PPP2R2A: variants seen among roughly 807,000 people sequenced by gnomAD.
PPP2R2A encodes serine/threonine-protein phosphatase 2A 55 kDa regulatory subunit B alpha isoform.
Under a neutral mutation model 53.2 loss-of-function variants are expected in PPP2R2A, and 9 were observed. The observed-to-expected ratio is 0.17, with a 90% CI of 0.10 to 0.30. The LOEUF is 0.30. Ranked by LOEUF, PPP2R2A falls within the 10% of genes least tolerant of loss-of-function variation. The pLI is 1.00. For synonymous variants in PPP2R2A, 169 were observed against 174.2 expected, an observed-to-expected ratio of 0.97 and a Z score of 0.23; for missense variants, 235 against 534.6, an observed-to-expected ratio of 0.44 and a Z score of 5.53.
chr8:26,305,647 G>A (rs1480971487), intron 2 of PPP2R2A, among the ~76,000 whole-genome samples: 3 of 152,024 alleles, frequency 2.0e-5, no homozygotes, highest in Non-Finnish European at 4.4e-5. Flanking sequence ...GGTACATGGA[G>A]GTCCATTTTA....
chr8:26,310,730 A>AT (rs1487823427), intron 2 of PPP2R2A, among the ~76,000 whole-genome samples: 10 of 145,114 alleles, frequency 6.9e-5, no homozygotes, highest in African/African-American at 2.6e-4. Flanking sequence ...GTTGGTGTTG[A>AT]TTTTTCACTT....
chr8:26,358,945 A>ATATG (rs1431184834), intron 4 of PPP2R2A: 1 of 456,074 alleles, frequency 2.2e-6, no homozygotes, highest in East Asian at 6.9e-5. Flanking sequence ...AAAGAACAGA[A>ATATG]TATGGCAAGG....
rs202132360 is a variant in PPP2R2A at position 26,362,005 on chromosome 8, T to TATTAAGATTAG, written c.638-657_638-647dup. 2.7e-5 allele frequency among the ~76,000 whole-genome samples: 4 copies of TATTAAGATTAG among 147,306 alleles called. No homozygotes were observed. Among genetic ancestry groups the TATTAAGATTAG allele is most frequent in the African/African-American group, 7.6e-5 (3 of 39,672 alleles). On this transcript the variant is annotated intron_variant, in intron 6 of 9. Coordinates refer to ENST00000380737, the MANE Select transcript of PPP2R2A (RefSeq NM_002717.4). The surrounding 1 kb of genome is among the most constrained non-coding windows in gnomAD (Gnocchi z 4.4). ...GATTTATATATATTATATTAATTGATATTAAGATTAGATTAAGATTAGATT... is the reference window on the plus strand; with the variant it reads ...GATTTATATATATTATATTAATTGATATTAAGATTAGATTAAGATTAGATTAAGATTAGATT...
At chr8:26,357,496 G>A (rs1361163538) in intron 4 of PPP2R2A, among the ~76,000 whole-genome samples, 3 of 152,020 alleles carry the variant, frequency 2.0e-5, no homozygotes, top group Non-Finnish European at 4.4e-5. Context: ...TTAATTTAAT[G>A]TTCCTTCAAG....
chr8:26,307,357 C>G (rs1458559410), intron 2 of PPP2R2A, among the ~76,000 whole-genome samples: 1 of 152,162 alleles, frequency 6.6e-6, no homozygotes, highest in Non-Finnish European at 1.5e-5. Context: ...CTGATTGTTC[C>G]TGGCAGTGTG....
intron 4 of PPP2R2A, chr8:26,359,062 T>G (rs1238630355): frequency 2.5e-6 from 1 of 401,748 alleles, no homozygotes; most frequent in African/African-American, 2.0e-5. Context: ...TGTATCCCTT[T>G]GAACAATGCT....
In PPP2R2A at chr8:26,356,564, T is replaced by A. The variant is rs77734108; in HGVS notation, c.346+1931T>A. Reference sequence around the variant, plus strand: ...CTTGGGTCAGTTTTAATTTATATGGTAAACTAAGTTATTTCAAATAGCTTC... The same window carrying A: ...CTTGGGTCAGTTTTAATTTATATGGAAAACTAAGTTATTTCAAATAGCTTC... On this transcript the variant is annotated intron_variant, in intron 4 of 9. Coordinates refer to ENST00000380737, the MANE Select transcript of PPP2R2A (RefSeq NM_002717.4). Among the ~76,000 whole-genome samples, 1,066 of 152,350 alleles carry A rather than the reference T, an allele frequency of 7.0e-3. 7 individuals are homozygous for A. The highest frequency in any genetic ancestry group is 0.024 in the African/African-American group (1,006 of 41,578).
intron 3 of PPP2R2A, among the ~76,000 whole-genome samples, chr8:26,351,153 G>C (rs554182583): frequency 6.6e-6 from 1 of 151,840 alleles, no homozygotes; most frequent in Non-Finnish European, 1.5e-5. Flanking sequence ...TGGTTTTTCT[G>C]TCCTGTATAA....
chr8:26,293,307 C>A (rs937617522), intron 1 of PPP2R2A: 3 of 1,514,134 alleles, frequency 2.0e-6, no homozygotes, highest in Non-Finnish European at 1.8e-6. Context: ...ATTAACTCTT[C>A]TGCAGGCTTT....
rs904486553 is a variant in PPP2R2A at position 26,329,878 on chromosome 8, A to G, written c.83-9012A>G. Among the ~76,000 whole-genome samples the G allele has an allele frequency of 2.6e-5, 4 of 152,218 alleles. No individual in the cohort carries two copies. In the East Asian group the frequency reaches 5.8e-4, roughly 22 times the overall value. On this transcript the variant is annotated intron_variant, in intron 2 of 9. Coordinates refer to ENST00000380737, the MANE Select transcript of PPP2R2A (RefSeq NM_002717.4). Reference sequence around the variant, plus strand: ...CACAGTTTTGCAAAATCACATCACTACTGCAATGCTGCTAATGGATTTTGA... The same window carrying G: ...CACAGTTTTGCAAAATCACATCACTGCTGCAATGCTGCTAATGGATTTTGA...
At chr8:26,369,566 G>T (rs1293133481) in intron 9 of PPP2R2A, among the ~76,000 whole-genome samples, 1 of 151,998 alleles carries the variant, frequency 6.6e-6, no homozygotes, top group Non-Finnish European at 1.5e-5. Context: ...AATTTTTTTT[G>T]TATTTTTAGT....
chr8:26,293,928 G>GTTTTTA (rs777549792), intron 2 of PPP2R2A, 188 bp downstream of exon 2: 3 of 582,582 alleles, frequency 5.1e-6, no homozygotes, highest in Non-Finnish European at 9.0e-6. Flanking sequence ...TTTACGCCTT[G>GTTTTTA]TTTTTATTAT....
Position 26,371,805 on chromosome 8 carries a change from GTGATACAT to G in PPP2R2A, c.*1394_*1401del, listed in dbSNP as rs1225828571. The G allele has an allele frequency of 6.6e-6, 1 of 152,206 alleles. No individual in the cohort carries two copies. Among genetic ancestry groups the G allele is most frequent in the Non-Finnish European group, 1.5e-5 (1 of 68,042 alleles). 9.4% of individuals were successfully genotyped at this position (152,206 alleles called of 1,614,324 possible). A position where few individuals can be genotyped will look rare whatever the true frequency, so the allele number is the denominator to read the frequency against. ...TATATGAATACATTTTCCCTAAGCG[GTGATACAT>G]TATCCAAAGATGAAGAGTGCTCCTA... On this transcript the variant is annotated 3_prime_UTR_variant, in exon 10 of 10. Transcript: ENST00000380737.
At chr8:26,328,259 A>C (rs548300754) in intron 2 of PPP2R2A, among the ~76,000 whole-genome samples, 1 of 152,230 alleles carries the variant, frequency 6.6e-6, no homozygotes, top group Non-Finnish European at 1.5e-5. Flanking sequence ...TTTTGTTCTC[A>C]ATATATTTAT....
chr8:26,322,600 A>G (rs1802896059), intron 2 of PPP2R2A, among the ~76,000 whole-genome samples: 1 of 152,178 alleles, frequency 6.6e-6, no homozygotes, highest in Non-Finnish European at 1.5e-5. Flanking sequence ...GGAAAAAAAA[A>G]AAGACTTAAC....
At chr8:26,314,474 G>A (rs1389446337) in intron 2 of PPP2R2A, among the ~76,000 whole-genome samples, 4 of 151,892 alleles carry the variant, frequency 2.6e-5, no homozygotes, top group Admixed American at 2.6e-4. Context: ...TTTCTTTCTT[G>A]TTTTATGCTA....
chr8:26,335,243 A>G (rs972125814), intron 2 of PPP2R2A, among the ~76,000 whole-genome samples: 33 of 152,162 alleles, frequency 2.2e-4, no homozygotes, highest in Admixed American at 5.2e-4. Flanking sequence ...TCATTTTTAT[A>G]TGTCATATTC....
At chr8:26,308,131 A>C (rs1406695570) in intron 2 of PPP2R2A, among the ~76,000 whole-genome samples, 4 of 152,280 alleles carry the variant, frequency 2.6e-5, no homozygotes, top group African/African-American at 9.6e-5. Flanking sequence ...CATGACAATT[A>C]AAAAGTACAT....
rs1447758420 is a variant in PPP2R2A, at chr8:26,341,241, G to A, written c.180+2254G>A. On this transcript the variant is annotated intron_variant, in intron 3 of 9. Transcript: ENST00000380737. ...TTGATCTTGACTATTAATTTGGTGT[G>A]TTTTGCCTATTTAATTTTCTACATT... Among the ~76,000 whole-genome samples, 3 of 152,102 alleles carry A rather than the reference G, an allele frequency of 2.0e-5. No individual in the cohort carries two copies. The East Asian group carries it at 5.8e-4, about 29-fold the overall frequency.
Sources: allele counts gnomAD v4.1 joint callset (sites outside exome capture counted in the v4.1 genomes callset), GRCh38; gene constraint gnomAD v4.1.1; non-coding constraint Gnocchi (gnomAD v3.1); transcripts MANE v1.5; gene names NCBI Gene and HGNC (gene_info 2026-07-23, HGNC 2026-07-21).